MSRB3: variants seen among roughly 807,000 people sequenced by gnomAD.
The protein encoded by MSRB3 is methionine sulfoxide reductase B3, also known as methionine-R-sulfoxide reductase B3.
In MSRB3, 13 loss-of-function variants were observed where a neutral mutation model predicts 21.0. That is an observed-to-expected ratio of 0.62 (90% CI 0.40 to 0.98). MSRB3 has a LOEUF of 0.98. Ranked by LOEUF, MSRB3 falls within the 50% of genes least tolerant of loss-of-function variation. MSRB3 has a pLI of 0.00. For missense variants in MSRB3, 199 were observed against 230.3 expected (o/e 0.86, Z 0.88); for synonymous variants, 87 against 88.6 (o/e 0.98, Z 0.10).
At chr12:65,312,048 A>G (rs575541840) in intron 2 of MSRB3, among the ~76,000 whole-genome samples, 16 of 152,150 alleles carry the variant, frequency 1.1e-4, no homozygotes, top group African/African-American at 3.8e-4. Context: ...TTAATGTATT[A>G]AAAGAACACT....
chr12:65,343,454 T>A (rs1876274281), intron 4 of MSRB3, among the ~76,000 whole-genome samples: 1 of 152,076 alleles, frequency 6.6e-6, no homozygotes, highest in African/African-American at 2.4e-5. Context: ...CTAGAGGCAA[T>A]CAATGAAGGG....
intron 1 of MSRB3, among the ~76,000 whole-genome samples, chr12:65,297,763 G>A (rs1451345545): frequency 6.6e-6 from 1 of 152,144 alleles, no homozygotes; most frequent in Non-Finnish European, 1.5e-5. Flanking sequence ...GTCAGAACTA[G>A]TACACAGCCC....
chr12:65,317,340 T>G (rs1391217512), intron 2 of MSRB3, among the ~76,000 whole-genome samples: 1 of 152,184 alleles, frequency 6.6e-6, no homozygotes, highest in African/African-American at 2.4e-5. Flanking sequence ...TTAAAAATCA[T>G]TGTGACAAGA....
intron 6 of MSRB3, among the ~76,000 whole-genome samples, chr12:65,459,153 C>T (rs1214434358): frequency 2.6e-5 from 4 of 152,128 alleles, no homozygotes; most frequent in African/African-American, 4.8e-5. Context: ...AATTTACCCA[C>T]GTTGGAGTCT....
chr12:65,327,797 C>T (rs140858002), intron 3 of MSRB3, among the ~76,000 whole-genome samples: 3 of 152,278 alleles, frequency 2.0e-5, no homozygotes, highest in East Asian at 1.9e-4. Context: ...GAATCTCTGA[C>T]GAAGTCCAAC....
At chr12:65,372,386 G>A (rs1878376207) in intron 5 of MSRB3, among the ~76,000 whole-genome samples, 1 of 152,198 alleles carries the variant, frequency 6.6e-6, no homozygotes, top group Non-Finnish European at 1.5e-5. Flanking sequence ...GTAATATACT[G>A]ACTAAAAACC....
intron 5 of MSRB3, among the ~76,000 whole-genome samples, chr12:65,436,813 A>G (rs1882138875): frequency 6.6e-6 from 1 of 151,926 alleles, no homozygotes; most frequent in South Asian, 2.1e-4. Context: ...CTGAGCTGCC[A>G]CAGAGATTGT....
At chr12:65,359,945 G>GA (rs1401443244) in intron 4 of MSRB3, among the ~76,000 whole-genome samples, 1 of 152,016 alleles carries the variant, frequency 6.6e-6, no homozygotes, top group Non-Finnish European at 1.5e-5. Context: ...AGACTTGACA[G>GA]AATTTTATTG....
intron 5 of MSRB3, among the ~76,000 whole-genome samples, chr12:65,427,052 C>A (rs1036503609): frequency 3.3e-5 from 5 of 152,176 alleles, no homozygotes; most frequent in Admixed American, 3.3e-4. Context: ...TCTTTAGGGT[C>A]ACCTACTGGG....
chr12:65,440,112 C>G (rs1882300487), intron 5 of MSRB3, among the ~76,000 whole-genome samples: 1 of 151,392 alleles, frequency 6.6e-6, no homozygotes, highest in Non-Finnish European at 1.5e-5. Flanking sequence ...TATTGGTAGC[C>G]CGATTGGTAT....
At chr12:65,438,329 T>C (rs1024122412) in intron 5 of MSRB3, among the ~76,000 whole-genome samples, 9 of 151,728 alleles carry the variant, frequency 5.9e-5, no homozygotes, top group Admixed American at 5.9e-4. Flanking sequence ...CACAAAGAGG[T>C]ATAAATCTTG....
intron 5 of MSRB3, among the ~76,000 whole-genome samples, chr12:65,443,432 TA>T (rs1180122793): frequency 3.9e-5 from 6 of 152,106 alleles, no homozygotes; most frequent in South Asian, 4.1e-4. Flanking sequence ...TTGATATTTG[TA>T]AAAAAAATGT....
intron 1 of MSRB3, among the ~76,000 whole-genome samples, chr12:65,307,430 G>A (rs1873721399): frequency 6.6e-6 from 1 of 152,120 alleles, no homozygotes; most frequent in Non-Finnish European, 1.5e-5. Flanking sequence ...TCTTCAAGGA[G>A]GTCAGAAGAG....
rs1449427432 is a variant in MSRB3 at position 65,374,829 on chromosome 12, G to A, written c.292+5803G>A. Among the ~76,000 whole-genome samples the A allele has an allele frequency of 2.0e-5, 3 of 152,178 alleles. No homozygotes were observed. In the East Asian group the frequency reaches 5.8e-4, roughly 29 times the overall value. The stretch of plus-strand genomic sequence containing the variant: ...ATTCAAGATTAGCCTGAAAAATCAG[G>A]CAACCTTCTCTATAGCAATCTTTCT... On this transcript the variant is annotated intron_variant, in intron 5 of 6. Coordinates refer to ENST00000308259, the MANE Select transcript of MSRB3 (RefSeq NM_001031679.3).
intron 5 of MSRB3, among the ~76,000 whole-genome samples, chr12:65,422,414 ATATATATATATATATATT>A (rs1156907701): frequency 6.1e-4 from 26 of 42,602 alleles, no homozygotes; most frequent in East Asian, 2.5e-3. Flanking sequence ...ATATATATAT[ATATATATATATATATATT>A]TATTTATTTA....
chr12:65,335,723 C>T (rs1042216665), intron 4 of MSRB3, among the ~76,000 whole-genome samples: 6 of 152,080 alleles, frequency 3.9e-5, no homozygotes, highest in African/African-American at 9.7e-5. Flanking sequence ...ACTCTCCTTA[C>T]GATATTTAAC....
intron 4 of MSRB3, among the ~76,000 whole-genome samples, chr12:65,362,269 A>G (rs1241667321): frequency 2.0e-5 from 3 of 152,184 alleles, no homozygotes; most frequent in Non-Finnish European, 4.4e-5. Flanking sequence ...CAAAGGCAGG[A>G]AAGAGGGAAA....
chr12:65,378,874 A>G (rs1284706590), intron 5 of MSRB3, among the ~76,000 whole-genome samples: 1 of 152,230 alleles, frequency 6.6e-6, no homozygotes, highest in East Asian at 1.9e-4. Context: ...TAATCCAGCT[A>G]TATGAGACAC....
intron 5 of MSRB3, among the ~76,000 whole-genome samples, chr12:65,429,546 C>A (rs1881778987): frequency 6.6e-6 from 1 of 152,064 alleles, no homozygotes; most frequent in Admixed American, 6.6e-5. Context: ...ATGTGTCAAG[C>A]CTGAAATCAA....
Sources: allele counts gnomAD v4.1 joint callset (sites outside exome capture counted in the v4.1 genomes callset), GRCh38; gene constraint gnomAD v4.1.1; transcripts MANE v1.5; gene names NCBI Gene and HGNC (gene_info 2026-07-23, HGNC 2026-07-21).